The following SETBP1 variants were observed in gnomAD, a reference collection of about 807,000 sequenced individuals.
SETBP1 encodes SET-binding protein.
A neutral mutation model predicts 101.0 loss-of-function variants in SETBP1; 9 were observed. The ratio of observed to expected loss-of-function variants is 0.09; its 90% CI spans 0.05 to 0.16. The LOEUF is 0.16. SETBP1 is among the 10% of genes least tolerant of loss of function. The probability of loss-of-function intolerance (pLI) is 1.00; values close to 1 mark genes in which losing one functional copy is unlikely to be tolerated. For synonymous variants in SETBP1, 818 were observed against 788.5 expected (o/e 1.04, Z -0.63); for missense variants, 1,858 against 2,033.8 (o/e 0.91, Z 1.66).
chr18:44,850,378 T>A (rs912131918), intron 2 of SETBP1, among the ~76,000 whole-genome samples: 2 of 128,818 alleles, frequency 1.6e-5, no homozygotes, highest in African/African-American at 5.3e-5. Flanking sequence ...CCTTTTTTTT[T>A]CTTTTTTTTT....
chr18:44,826,444 G>A (rs1389766856), intron 2 of SETBP1, among the ~76,000 whole-genome samples: 3 of 152,130 alleles, frequency 2.0e-5, no homozygotes, highest in Non-Finnish European at 4.4e-5. Context: ...CCCCAAGGGG[G>A]TTCCAGGGCC....
Position 44,950,003 on chromosome 18 carries a change from C to A in SETBP1, c.663C>A (p.Asp221Glu), listed in dbSNP as rs1321537716. 1 of 1,614,062 alleles carries A rather than the reference C, an allele frequency of 6.2e-7. No homozygotes were observed. The highest frequency in any genetic ancestry group is 1.1e-5 in the South Asian group (1 of 91,088). ...QQKSSSQNHM[D>E]WSTNSDSGPV... ...AAAGCAGCAGCCAGAACCACATGGACTGGTCCACCAACTCTGACAGCGGAC... is the reference window on the plus strand; with the variant it reads ...AAAGCAGCAGCCAGAACCACATGGAATGGTCCACCAACTCTGACAGCGGAC... The change falls in exon 4 of 6, where the codon GAC becomes GAA. Residue 221 changes from aspartate to glutamate, a missense_variant. By Grantham distance (45) the Asp-to-Glu change is conservative. Transcript: ENST00000649279.
intron 2 of SETBP1, among the ~76,000 whole-genome samples, chr18:44,799,543 T>C (rs1247676977): frequency 6.6e-6 from 1 of 152,180 alleles, no homozygotes; most frequent in Non-Finnish European, 1.5e-5. Context: ...GGTTGTGAGC[T>C]GGGTGTAGGG....
chr18:44,857,167 T>G (rs1207146778), intron 2 of SETBP1, among the ~76,000 whole-genome samples: 2 of 152,220 alleles, frequency 1.3e-5, no homozygotes, highest in African/African-American at 4.8e-5. Context: ...AAACCTCTTC[T>G]TCTATGAAAG....
intron 3 of SETBP1, chr18:44,876,555 C>G (rs1171196285): frequency 6.5e-7 from 1 of 1,545,668 alleles, no homozygotes; most frequent in South Asian, 1.2e-5. Context: ...TCAGCCTCCT[C>G]ATTTTCTAGA....
intron 4 of SETBP1, among the ~76,000 whole-genome samples, chr18:45,026,348 G>T (rs2073164514): frequency 6.6e-6 from 1 of 152,148 alleles, no homozygotes; most frequent in African/African-American, 2.4e-5. Flanking sequence ...ACGATCCAAG[G>T]ACATGACTAG....
rs5824565 is a variant in SETBP1 at position 44,954,329 on chromosome 18, T to TAAAAA, written c.4000+1010_4000+1014dup. ...CTTCTTACCTAGGAGTTGCAGAAGCTAAAAAAAAAAAAAAAAAAAAAAAAA... is the reference window on the plus strand; with the variant it reads ...CTTCTTACCTAGGAGTTGCAGAAGCTAAAAAAAAAAAAAAAAAAAAAAAAAAAAAA... On this transcript the variant is annotated intron_variant, in intron 4 of 5. Coordinates refer to ENST00000649279, the MANE Select transcript of SETBP1 (RefSeq NM_015559.3). 6.8e-4 allele frequency among the ~76,000 whole-genome samples: 49 copies of TAAAAA among 71,582 alleles called. 2 individuals carry two copies. The highest frequency in any genetic ancestry group is 2.5e-3 in the African/African-American group (46 of 18,434). The allele number at this position is 71,582 out of a possible 152,430, so 47.0% of individuals were successfully genotyped here. A position where few individuals can be genotyped will look rare whatever the true frequency, so the allele number is the denominator to read the frequency against.
At chr18:44,878,243 A>C (rs1367051473) in intron 3 of SETBP1, among the ~76,000 whole-genome samples, 1 of 152,222 alleles carries the variant, frequency 6.6e-6, no homozygotes, top group Non-Finnish European at 1.5e-5. Context: ...AGGGAGTAGG[A>C]GTAGATGATG....
chr18:44,781,278 A>G (rs972059477), intron 2 of SETBP1, among the ~76,000 whole-genome samples: 4 of 152,212 alleles, frequency 2.6e-5, no homozygotes, highest in Non-Finnish European at 4.4e-5. Flanking sequence ...AATGGATTAT[A>G]GAGCATTGAG....
intron 2 of SETBP1, among the ~76,000 whole-genome samples, chr18:44,830,895 T>G (rs2072348564): frequency 6.6e-6 from 1 of 152,212 alleles, no homozygotes; most frequent in Non-Finnish European, 1.5e-5. Flanking sequence ...TTTCTCCAGT[T>G]TGAAGTGTTT....
At chr18:44,809,895 G>A (rs535357096) in intron 2 of SETBP1, among the ~76,000 whole-genome samples, 3 of 152,210 alleles carry the variant, frequency 2.0e-5, no homozygotes, top group Admixed American at 6.5e-5. Flanking sequence ...AATGCAGAAA[G>A]CAAGGGTCCC....
chr18:44,758,539 C>A lies in SETBP1; in HGVS notation c.486+56707C>A, dbSNP rs7236215. 7.9e-5 allele frequency among the ~76,000 whole-genome samples: 12 copies of A among 151,932 alleles called. No individual in the cohort carries two copies. In the South Asian group the frequency reaches 1.9e-3, roughly 24 times the overall value. On this transcript the variant is annotated intron_variant, in intron 2 of 5. Coordinates refer to ENST00000649279, the MANE Select transcript of SETBP1 (RefSeq NM_015559.3). ...CTGGGACTACAGGGGCCTGCCACCA[C>A]GCCCGGCTAATTTTTTGTATTTTTA...
At chr18:44,740,601 T>A (rs904193883) in intron 2 of SETBP1, among the ~76,000 whole-genome samples, 3 of 152,234 alleles carry the variant, frequency 2.0e-5, no homozygotes, top group African/African-American at 7.2e-5. Context: ...TTCAACTCTC[T>A]GATCCTGTGC....
intron 2 of SETBP1, among the ~76,000 whole-genome samples, chr18:44,846,987 G>A (rs1475452546): frequency 2.0e-5 from 3 of 152,168 alleles, no homozygotes; most frequent in Non-Finnish European, 4.4e-5. Flanking sequence ...ATAATGGCAG[G>A]GGTGGTCCCG....
chr18:44,755,887 G>T (rs555477741), intron 2 of SETBP1, among the ~76,000 whole-genome samples: 2 of 152,172 alleles, frequency 1.3e-5, no homozygotes, highest in South Asian at 2.1e-4. Context: ...TTCTGTGTAC[G>T]TGTTAATAAA....
chr18:44,747,229 G>A (rs962030970), intron 2 of SETBP1, among the ~76,000 whole-genome samples: 3 of 152,162 alleles, frequency 2.0e-5, no homozygotes, highest in African/African-American at 7.2e-5. Context: ...GACCCCCAGG[G>A]GTTTTGCTCT....
At chr18:44,977,133 A>G (rs2072006412) in intron 4 of SETBP1, among the ~76,000 whole-genome samples, 1 of 152,088 alleles carries the variant, frequency 6.6e-6, no homozygotes, top group Non-Finnish European at 1.5e-5. Flanking sequence ...TGTGGGGCCA[A>G]CCCCCATGGC....
At chr18:44,752,966 A>G (rs1489128430) in intron 2 of SETBP1, among the ~76,000 whole-genome samples, 1 of 152,220 alleles carries the variant, frequency 6.6e-6, no homozygotes, top group African/African-American at 2.4e-5. Flanking sequence ...AGAAATTACT[A>G]CTGATTCCAA....
At position 44,793,369 on chromosome 18, in the gene SETBP1, G is replaced by A. The variant is rs576301725; in HGVS notation, c.487-75861G>A. ...AAAGGCCTGGTGCACACTGAGCACCGGCATATTGCCAGTGCCCCTCCTCAG... is the reference window on the plus strand; with the variant it reads ...AAAGGCCTGGTGCACACTGAGCACCAGCATATTGCCAGTGCCCCTCCTCAG... On this transcript the variant is annotated intron_variant, in intron 2 of 5. Coordinates refer to ENST00000649279, the MANE Select transcript of SETBP1 (RefSeq NM_015559.3). Among the ~76,000 whole-genome samples, 31 of 152,300 alleles carry A rather than the reference G, an allele frequency of 2.0e-4. No homozygotes were observed. In the South Asian group the frequency reaches 5.4e-3, roughly 26 times the overall value.
Sources: allele counts gnomAD v4.1 joint callset (sites outside exome capture counted in the v4.1 genomes callset), GRCh38; gene constraint gnomAD v4.1.1; transcripts MANE v1.5; gene names NCBI Gene and HGNC (gene_info 2026-07-23, HGNC 2026-07-21).